The following PSTPIP1 variants were observed in gnomAD, a reference collection of about 807,000 sequenced individuals.
PSTPIP1 encodes proline-serine-threonine phosphatase-interacting protein 1.
A neutral mutation model predicts 69.6 loss-of-function variants in PSTPIP1; 66 were observed. The observed-to-expected ratio is 0.95, with a 90% CI of 0.78 to 1.16. The LOEUF is 1.16. PSTPIP1 is among the 50% of genes most tolerant of loss of function. The probability of loss-of-function intolerance (pLI) is 0.00; values close to 1 mark genes in which losing one functional copy is unlikely to be tolerated. For missense variants in PSTPIP1, 603 were observed against 557.4 expected (o/e 1.08, Z -0.82); for synonymous variants, 266 against 222.7 (o/e 1.19, Z -1.73).
Position 77,035,968 on chromosome 15 carries a change from C to T in PSTPIP1, c.1119+33C>T, listed in dbSNP as rs151068642. 3.2e-6 allele frequency: 5 copies of T among 1,556,784 alleles called. No individual in the cohort carries two copies. In the African/African-American group the frequency reaches 6.8e-5, roughly 21 times the overall value. ...CTCTATACCCCAAACCCACCTGTGC[C>T]ACCTCCCCTGCACCTGAGAGCTCCC... is the stretch of plus-strand genomic sequence containing the variant. On this transcript the variant is annotated intron_variant, in intron 14 of 14. Coordinates refer to ENST00000558012, the MANE Select transcript of PSTPIP1 (RefSeq NM_003978.5).
At chr15:77,015,994 G>A in intron 1 of PSTPIP1, 5 of 456,314 alleles carry the variant, frequency 1.1e-5, no homozygotes, top group South Asian at 7.7e-5. Context: ...CGAATGGCCA[G>A]CGTAGGTTCG....
intron 10 of PSTPIP1, 37 bp downstream of exon 10, chr15:77,031,315 G>A: frequency 6.3e-7 from 1 of 1,596,928 alleles, no homozygotes; most frequent in Non-Finnish European, 8.6e-7. Context: ...GTAAGGTAGG[G>A]CAGCCTCTAG....
chr15:77,032,658 G>T, intron 11 of PSTPIP1: 1 of 622,490 alleles, frequency 1.6e-6, no homozygotes, highest in South Asian at 2.0e-5. Flanking sequence ...CTCCCCGCCT[G>T]TTTGGTTCCA....
intron 10 of PSTPIP1, 187 bp downstream of exon 10, chr15:77,031,465 A>G (rs1368470436): frequency 1.1e-5 from 6 of 531,532 alleles, no homozygotes; most frequent in Admixed American, 6.3e-5. Flanking sequence ...AGTACCACAC[A>G]GGGCCATGGC....
At chr15:77,034,371 T>C (rs1246857771) in intron 12 of PSTPIP1, among the ~76,000 whole-genome samples, 2 of 152,158 alleles carry the variant, frequency 1.3e-5, no homozygotes, top group East Asian at 3.9e-4. Flanking sequence ...TCCCATGTGC[T>C]GGGTCCACGC....
At chr15:76,996,160 C>T (rs567491747) in intron 1 of PSTPIP1, among the ~76,000 whole-genome samples, 5 of 152,344 alleles carry the variant, frequency 3.3e-5, no homozygotes, top group African/African-American at 1.2e-4. Flanking sequence ...CCTCACCCAG[C>T]CCCTTGTCCC....
At chr15:77,025,170 G>A (rs1384782136) in intron 3 of PSTPIP1, 114 bp from the exon 4 acceptor site, 8 of 1,207,002 alleles carry the variant, frequency 6.6e-6, no homozygotes, top group Non-Finnish European at 9.8e-6. Context: ...GTGACCCAGG[G>A]TCTTCCCACC....
At position 77,005,012 on chromosome 15, in the gene PSTPIP1, G is replaced by A. The variant is rs868214011; in HGVS notation, c.36+9403G>A. 1.1e-4 allele frequency among the ~76,000 whole-genome samples: 16 copies of A among 152,192 alleles called. No homozygotes were observed. The South Asian group carries it at 1.5e-3, about 14-fold the overall frequency. On this transcript the variant is annotated intron_variant, in intron 1 of 14. Transcript: ENST00000558012. ...TTCTGAGGGTAGGACCTGGACATCA[G>A]TATTTTTCAAAGTTCCCCAGTGCCT...
chr15:77,036,882 C>T (rs1026078238), intron 14 of PSTPIP1, among the ~76,000 whole-genome samples, 163 bp from the exon 15 acceptor site: 7 of 152,082 alleles, frequency 4.6e-5, no homozygotes, highest in Non-Finnish European at 7.4e-5. Flanking sequence ...ATGGGAGGCC[C>T]GGTCCGTTGG....
chr15:77,008,473 C>T (rs989385829), intron 1 of PSTPIP1, among the ~76,000 whole-genome samples: 5 of 151,998 alleles, frequency 3.3e-5, no homozygotes, highest in South Asian at 2.1e-4. Flanking sequence ...GCAGTGGCAC[C>T]GTGTCGGCTC....
chr15:77,027,893 G>A lies in PSTPIP1; in HGVS notation c.396G>A (p.Ser132=). The change falls in exon 6 of 15, where the codon TCG becomes TCA. Residue 132 remains serine, a synonymous_variant. Coordinates refer to ENST00000558012, the MANE Select transcript of PSTPIP1 (RefSeq NM_003978.5). This position sits in a 1 kb window ranked among gnomAD's most constrained non-coding sequence, Gnocchi z 4.3. The stretch of plus-strand genomic sequence containing the variant: ...ACCGGGTCCAGAAGAGCAAGCTGTC[G>A]CTCTACAAGAAGGCCATGGAGGTGA... ...VMDRVQKSKL[S]LYKKAMESKK... 4.5e-6 allele frequency: 7 copies of A among 1,567,160 alleles called. 1 individual carries two copies. Among genetic ancestry groups the A allele is most frequent in the Admixed American group, 1.9e-5 (1 of 53,156 alleles).
At chr15:77,036,949 C>A in intron 14 of PSTPIP1, 96 bp from the exon 15 acceptor site, 2 of 1,508,376 alleles carry the variant, frequency 1.3e-6, no homozygotes, top group Non-Finnish European at 9.0e-7. Context: ...GGAGACATGC[C>A]GCATTTACTG....
chr15:77,031,342 G>A (rs2076412159), intron 10 of PSTPIP1, 64 bp downstream of exon 10: 5 of 1,530,240 alleles, frequency 3.3e-6, no homozygotes, highest in African/African-American at 1.4e-5. Context: ...AAGCACCCAG[G>A]TCCATCTGAG....
rs1392091785 is a variant in PSTPIP1 at position 77,037,146 on chromosome 15, C to CG, written c.1222dup (p.Val408GlyfsTer56). On this transcript the variant is annotated frameshift_variant, in exon 15 of 15. Coordinates refer to ENST00000558012, the MANE Select transcript of PSTPIP1 (RefSeq NM_003978.5). LOFTEE classifies it high-confidence loss of function. ...TGGAGAGGAACGGGCAGCGTGGCTTCGTCCCTGGTTCCTACCTGGAGAAGC... is the reference window on the plus strand; with the variant it reads ...TGGAGAGGAACGGGCAGCGTGGCTTCGGTCCCTGGTTCCTACCTGGAGAAGC... The CG allele has an allele frequency of 1.7e-5, 28 of 1,611,332 alleles. No individual in the cohort carries two copies. Among genetic ancestry groups the CG allele is most frequent in the Non-Finnish European group, 2.4e-5 (28 of 1,179,398 alleles).
In PSTPIP1 at chr15:77,035,572, G is replaced by A. The variant is rs764623622; in HGVS notation, c.985+9G>A. 3 of 1,572,536 alleles carry A rather than the reference G, an allele frequency of 1.9e-6. No individual in the cohort carries two copies. The South Asian group carries it at 3.5e-5, about 18-fold the overall frequency. ...GTTGGCAGCTTCTGCTGGTAAAGGG[G>A]GTCAGGAGGGGACCCCCAAACACAC... On this transcript the variant is annotated intron_variant, in intron 13 of 14. Transcript: ENST00000558012.
chr15:77,018,224 A>G lies in PSTPIP1; in HGVS notation c.113A>G (p.Asp38Gly). The G allele has an allele frequency of 6.3e-7, 1 of 1,585,356 alleles. No homozygotes were observed. The highest frequency in any genetic ancestry group is 8.6e-7 in the Non-Finnish European group (1 of 1,166,738). Residue 38 changes from aspartate to glycine, a missense_variant, in exon 2 of 15, where the codon GAC becomes GGC. By Grantham distance (94) the Asp-to-Gly change is moderately conservative (BLOSUM62 -1). Coordinates refer to ENST00000558012, the MANE Select transcript of PSTPIP1 (RefSeq NM_003978.5). ...RLLDGRKMCK[D>G]MEELLRQRAQ... is the part of the protein sequence containing the mutation. ...CTGGATGGCAGGAAGATGTGCAAAGACATGGAGGAGCTACTGAGGCAGAGG... is the reference window on the plus strand; with the variant it reads ...CTGGATGGCAGGAAGATGTGCAAAGGCATGGAGGAGCTACTGAGGCAGAGG...
At position 77,006,282 on chromosome 15, in the gene PSTPIP1, A is replaced by G. The variant is rs907598818; in HGVS notation, c.36+10673A>G. On this transcript the variant is annotated intron_variant, in intron 1 of 14. Coordinates refer to ENST00000558012, the MANE Select transcript of PSTPIP1 (RefSeq NM_003978.5). The stretch of plus-strand genomic sequence containing the variant: ...TGTGTACCTTCTTTGGAGAAAGTCT[A>G]TTTAAGACCTTTGCCCACTTTTGAA... Among the ~76,000 whole-genome samples, 10 of 152,142 alleles carry G rather than the reference A, an allele frequency of 6.6e-5. No individual in the cohort carries two copies. The East Asian group carries it at 7.7e-4, about 12-fold the overall frequency.
intron 1 of PSTPIP1, chr15:77,008,173 C>T (rs759326761): frequency 2.5e-6 from 1 of 405,064 alleles, no homozygotes; most frequent in Non-Finnish European, 5.0e-6. Context: ...GTCTGCACAG[C>T]ACAGGGAAGC....
intron 3 of PSTPIP1, chr15:77,023,432 G>T: frequency 6.5e-6 from 1 of 153,090 alleles, no homozygotes; most frequent in Non-Finnish European, 1.5e-5. Flanking sequence ...GGGAGGTGGA[G>T]GTGGTGCGGC....
Sources: gnomAD v4.1 joint callset for allele counts (sites outside exome capture counted in the v4.1 genomes callset) on GRCh38, gnomAD v4.1.1 for gene constraint, Gnocchi (gnomAD v3.1) non-coding constraint, MANE v1.5 for transcripts, NCBI Gene and HGNC (gene_info 2026-07-23, HGNC 2026-07-21) for gene names.